Variants in MUC12 observed in about 807,000 individuals in gnomAD.
The protein encoded by MUC12 is mucin-12.
Under a neutral mutation model 230.8 loss-of-function variants are expected in MUC12, and 172 were observed. That is an observed-to-expected ratio of 0.75 (90% CI 0.66 to 0.85). The LOEUF is 0.85. Among genes scored for constraint, MUC12 ranks in the 40% least tolerant of loss-of-function variants. The probability of loss-of-function intolerance (pLI) is 0.00; values close to 1 mark genes in which losing one functional copy is unlikely to be tolerated. For synonymous variants in MUC12, 1,259 were observed against 2,401.9 expected, an observed-to-expected ratio of 0.52 and a Z score of 13.91; for missense variants, 3,506 against 5,920.6, an observed-to-expected ratio of 0.59 and a Z score of 13.38.
At position 100,992,318 on chromosome 7, in the gene MUC12, C is replaced by A. The variant is rs1385488693; in HGVS notation, c.1755C>A (p.Gly585=). 3.3e-5 allele frequency: 51 copies of A among 1,536,676 alleles called. No homozygotes were observed. Among genetic ancestry groups the A allele is most frequent in the Non-Finnish European group, 4.3e-5 (49 of 1,146,112 alleles). ...ATACTACCTTCCACAGCCGCCCAGG[C>A]TCCACTGAAACAACACTCTTACCTG... ...PEYTTFHSRP[G]STETTLLPDN... Residue 585 remains glycine, a synonymous_variant, in exon 2 of 12, where the codon GGC becomes GGA. Transcript: ENST00000536621.
chr7:101,004,649 A>C lies in MUC12; in HGVS notation c.14086A>C (p.Thr4696Pro). Residue 4696 changes from threonine (T) to proline (P), a missense_variant, in exon 2 of 12, where the codon ACA becomes CCA. By Grantham distance (38) the Thr-to-Pro change is conservative (BLOSUM62 -1). Transcript: ENST00000536621. ...SHSSPDTNGI[T>P]PLPAHFTTSG... ...CAGCAGCCCAGATACAAATGGAATC[A>C]CACCCTTACCTGCCCATTTTACTAC... The C allele has an allele frequency of 6.5e-7, 1 of 1,537,450 alleles. No homozygotes were observed. The highest frequency in any genetic ancestry group is 8.7e-7 in the Non-Finnish European group (1 of 1,146,634).
rs902335437 is a variant in MUC12 at position 101,014,480 on chromosome 7, CT to C, written c.15800+417del. ...AGAGAGGAAGAGAGGGCTGAACTCACTTTTTTTTTTTCTTTAAGAGACAGGG... is the reference window on the plus strand; with the variant it reads ...AGAGAGGAAGAGAGGGCTGAACTCACTTTTTTTTTTCTTTAAGAGACAGGG... On this transcript the variant is annotated intron_variant, in intron 9 of 11. Coordinates refer to ENST00000536621, the MANE Select transcript of MUC12 (RefSeq NM_001164462.2). 3.0e-3 allele frequency: 456 copies of C among 150,250 alleles called. 4 individuals are homozygous for C. Among genetic ancestry groups the C allele is most frequent in the African/African-American group, 8.4e-3 (343 of 40,608 alleles). 9.3% of individuals were successfully genotyped at this position (150,250 alleles called of 1,614,324 possible). A position where few individuals can be genotyped will look rare whatever the true frequency, so the allele number is the denominator to read the frequency against.
At chr7:101,005,593 A>C in intron 2 of MUC12, 74 bp downstream of exon 2, 1 of 1,432,988 alleles carries the variant, frequency 7.0e-7, no homozygotes, top group South Asian at 1.4e-5. Flanking sequence ...CATCCATTAC[A>C]ACCTCTCTTG....
chr7:101,008,592 G>A (rs1290014558), intron 3 of MUC12, 42 bp from the exon 4 acceptor site: 2 of 1,524,820 alleles, frequency 1.3e-6, no homozygotes, highest in African/African-American at 2.8e-5. Context: ...GGACATTATT[G>A]GGAGGTCGCT....
chr7:101,002,855 G>A lies in MUC12; in HGVS notation c.12292G>A (p.Ala4098Thr). The change falls in exon 2 of 12, where the codon GCA becomes ACA. Residue 4098 changes from alanine (A) to threonine (T), a missense_variant. By Grantham distance (58) the Ala-to-Thr change is moderately conservative. Transcript: ENST00000536621. Reference sequence around the variant, plus strand: ...AACACCTTCACCTCCCAGCACCACAGCAGTCCCTGTTGAAGTATCCACAAC... The same window carrying A: ...AACACCTTCACCTCCCAGCACCACAACAGTCCCTGTTGAAGTATCCACAAC... ...DTTPSPPSTT[A>T]VPVEVSTTYH... 2 of 1,049,118 alleles carry A rather than the reference G, an allele frequency of 1.9e-6. No individual in the cohort carries two copies. Among genetic ancestry groups the A allele is most frequent in the South Asian group, 1.6e-5 (1 of 62,298 alleles). 65.0% of individuals were successfully genotyped at this position (1,049,118 alleles called of 1,614,324 possible).
chr7:100,989,890 A>G (rs1371856470), intron 1 of MUC12, among the ~76,000 whole-genome samples: 1 of 152,010 alleles, frequency 6.6e-6, no homozygotes, highest in Non-Finnish European at 1.5e-5. Flanking sequence ...ATGGGGTTTC[A>G]CTATGTTGGC....
At chr7:100,973,895 G>A (rs1792965637) in intron 1 of MUC12, among the ~76,000 whole-genome samples, 1 of 151,852 alleles carries the variant, frequency 6.6e-6, no homozygotes, top group Admixed American at 6.6e-5. Context: ...GCTCATGCCT[G>A]TAATCCCAGC....
Position 100,990,625 on chromosome 7 carries a change from T to A in MUC12, c.68-6T>A. 6.5e-7 allele frequency: 1 copy of A among 1,537,384 alleles called. No homozygotes were observed. The highest frequency in any genetic ancestry group is 1.4e-5 in the African/African-American group (1 of 73,142). ...AGCACTTTCTCTGGTTTCTCTCAAA[T>A]CACAGGCTCAACAGTAAACACCAGT... On this transcript the variant is annotated splice_polypyrimidine_tract_variant and splice_region_variant and intron_variant, in intron 1 of 11. Transcript: ENST00000536621.
rs372791482 is a variant in MUC12 at position 101,003,196 on chromosome 7, C to A, written c.12633C>A (p.Gly4211=). 19 of 1,040,342 alleles carry A rather than the reference C, an allele frequency of 1.8e-5. 6 individuals are homozygous for A. Among genetic ancestry groups the A allele is most frequent in the East Asian group, 2.9e-5 (1 of 34,800 alleles). 64.4% of individuals were successfully genotyped at this position (1,040,342 alleles called of 1,614,324 possible). ...TLSPASTTSS[G]VSEESTTSHS... is the part of the protein sequence containing the mutation. The stretch of plus-strand genomic sequence containing the variant: ...CACCTGCCAGCACGACAAGCTCAGG[C>A]GTCAGTGAAGAATCCACCACCTCCC... The change falls in exon 2 of 12, where the codon GGC becomes GGA. Residue 4211 remains glycine, a synonymous_variant. Coordinates refer to ENST00000536621, the MANE Select transcript of MUC12 (RefSeq NM_001164462.2).
At chr7:100,972,186 T>C (rs1792916952) in intron 1 of MUC12, 1 of 703,256 alleles carries the variant, frequency 1.4e-6, no homozygotes, top group South Asian at 1.5e-5. Context: ...GAGATCTGTG[T>C]AAGGAAGTCG....
intron 1 of MUC12, among the ~76,000 whole-genome samples, chr7:100,975,654 G>T (rs745387558): frequency 1.9e-5 from 2 of 105,280 alleles, no homozygotes; most frequent in African/African-American, 5.0e-5. Flanking sequence ...CTGGAGCTAC[G>T]AGAGGGGGCC....
chr7:100,974,222 C>T (rs1294737135), intron 1 of MUC12, among the ~76,000 whole-genome samples: 4 of 152,300 alleles, frequency 2.6e-5, no homozygotes, highest in Non-Finnish European at 4.4e-5. Flanking sequence ...GGTTTGTGGC[C>T]CTTTGTTTAT....
intron 1 of MUC12, among the ~76,000 whole-genome samples, chr7:100,986,655 G>A (rs780193297): frequency 5.3e-5 from 8 of 152,214 alleles, no homozygotes; most frequent in Non-Finnish European, 8.8e-5. Context: ...TTCATGACTC[G>A]GTAAAACTGG....
At position 101,004,450 on chromosome 7, in the gene MUC12, A is replaced by G. The variant is rs548093627; in HGVS notation, c.13887A>G (p.Glu4629=). Residue 4629 remains glutamate, a synonymous_variant, in exon 2 of 12, where the codon GAA becomes GAG. Coordinates refer to ENST00000536621, the MANE Select transcript of MUC12 (RefSeq NM_001164462.2). ...ESSTASGRSE[E]SRTSHSSTTH... ...CCACAGCTTCAGGTCGTAGTGAAGA[A>G]TCAAGAACTTCCCACAGCAGCACAA... 2.0e-6 allele frequency: 3 copies of G among 1,526,556 alleles called. No individual in the cohort carries two copies. The highest frequency in any genetic ancestry group is 2.4e-5 in the South Asian group (2 of 83,246). 94.6% of individuals were successfully genotyped at this position (1,526,556 alleles called of 1,614,324 possible).
intron 1 of MUC12, among the ~76,000 whole-genome samples, chr7:100,990,160 G>A (rs1563088806): frequency 6.6e-6 from 1 of 152,220 alleles, no homozygotes; most frequent in Non-Finnish European, 1.5e-5. Flanking sequence ...CAGGAACCAG[G>A]ACACACGGCA....
At chr7:100,975,416 G>C (rs1793011469) in intron 1 of MUC12, among the ~76,000 whole-genome samples, 1 of 152,312 alleles carries the variant, frequency 6.6e-6, no homozygotes, top group South Asian at 2.1e-4. Context: ...GGTGAGAACA[G>C]ATTGCTTCAC....
At chr7:100,981,218 G>A (rs895079476) in intron 1 of MUC12, among the ~76,000 whole-genome samples, 5 of 152,118 alleles carry the variant, frequency 3.3e-5, no homozygotes, top group African/African-American at 1.2e-4. Context: ...TAGCTTCCTT[G>A]TGGAGCACCC....
At chr7:100,987,179 G>T (rs759017065) in intron 1 of MUC12, among the ~76,000 whole-genome samples, 1 of 146,684 alleles carries the variant, frequency 6.8e-6, no homozygotes, top group African/African-American at 2.5e-5. Context: ...CGACTCTCCT[G>T]TCTCAGCCTC....
At chr7:101,010,999 T>G (rs1793834284) in intron 5 of MUC12, among the ~76,000 whole-genome samples, 1 of 152,096 alleles carries the variant, frequency 6.6e-6, no homozygotes, top group Admixed American at 6.5e-5. Flanking sequence ...CAGTTGGATG[T>G]CACTGGAAGT....
Sources: gnomAD v4.1 joint callset for allele counts (sites outside exome capture counted in the v4.1 genomes callset) on GRCh38, gnomAD v4.1.1 for gene constraint, MANE v1.5 for transcripts, NCBI Gene and HGNC (gene_info 2026-07-23, HGNC 2026-07-21) for gene names.